DNAH10: variants seen among roughly 807,000 people sequenced by gnomAD.
DNAH10 encodes dynein axonemal heavy chain 10.
In DNAH10, 348 loss-of-function variants were observed where a neutral mutation model predicts 506.6. That is an observed-to-expected ratio of 0.69 (90% CI 0.63 to 0.75). The LOEUF is 0.75. Ranked by LOEUF, DNAH10 falls within the 30% of genes least tolerant of loss-of-function variation. The probability of loss-of-function intolerance (pLI) is 0.00; values close to 1 mark genes in which losing one functional copy is unlikely to be tolerated. For missense variants in DNAH10, 5,179 were observed against 5,787.1 expected (o/e 0.89, Z 3.41); for synonymous variants, 2,059 against 2,198.6 (o/e 0.94, Z 1.78).
chr12:123,840,794 A>G (rs1005954374), intron 29 of DNAH10, among the ~76,000 whole-genome samples: 4 of 152,198 alleles, frequency 2.6e-5, no homozygotes, highest in Non-Finnish European at 4.4e-5. Flanking sequence ...ATAATAGTCA[A>G]CAAATGCCAA....
intron 64 of DNAH10, 32 bp from the exon 65 acceptor site, chr12:123,918,641 TTCC>T: frequency 6.5e-7 from 1 of 1,531,456 alleles, no homozygotes; most frequent in South Asian, 1.3e-5. Flanking sequence ...CATCTCAGTC[TTCC>T]TGTTTCCAGG....
intron 56 of DNAH10, among the ~76,000 whole-genome samples, chr12:123,901,624 G>A (rs780098641): frequency 5.9e-5 from 9 of 152,124 alleles, no homozygotes; most frequent in Non-Finnish European, 8.8e-5. Context: ...ATGATCTGGG[G>A]GCTGAAAACA....
At chr12:123,798,829 G>C (rs1958374268) in intron 13 of DNAH10, among the ~76,000 whole-genome samples, 1 of 148,990 alleles carries the variant, frequency 6.7e-6, no homozygotes, top group African/African-American at 2.5e-5. Flanking sequence ...AAAATGACCA[G>C]GTGCAGTGGC....
At chr12:123,848,614 C>G (rs1289068790) in intron 33 of DNAH10, 116 bp from the exon 34 acceptor site, 5 of 1,399,408 alleles carry the variant, frequency 3.6e-6, no homozygotes, top group Non-Finnish European at 4.8e-6. Flanking sequence ...TCACCTGCTT[C>G]TCTGCCAATC....
Position 123,841,433 on chromosome 12 carries a change from C to T in DNAH10, c.5248C>T (p.Arg1750Trp), listed in dbSNP as rs372793754. ...AGTCATGGAGTTTCGGAAGATCTTG[C>T]GGGCTGAAGGGCGCGTGGAGGACTG... ...GEVMEFRKIL[R>W]AEGRVEDWMT... is the part of the protein sequence containing the mutation. The change falls in exon 30 of 79, where the codon CGG becomes TGG. Residue 1750 changes from arginine to tryptophan, a missense_variant. Arg to Trp is a moderately radical substitution (Grantham distance 101). Transcript: ENST00000673944. 5.0e-6 allele frequency: 8 copies of T among 1,613,800 alleles called. No individual in the cohort carries two copies. Among genetic ancestry groups the T allele is most frequent in the South Asian group, 3.3e-5 (3 of 91,082 alleles).
chr12:123,789,736 C>G (rs1958007313), intron 10 of DNAH10, among the ~76,000 whole-genome samples, 191 bp from the exon 11 acceptor site: 1 of 152,114 alleles, frequency 6.6e-6, no homozygotes, highest in South Asian at 2.1e-4. Flanking sequence ...TGGGGAGGAA[C>G]AGGCAGGTGC....
Position 123,783,090 on chromosome 12 carries a change from C to CGCTTTT in DNAH10, c.842-17_842-16insGCTTTT. 6.2e-7 allele frequency: 1 copy of CGCTTTT among 1,612,194 alleles called. No individual in the cohort carries two copies. Among genetic ancestry groups the CGCTTTT allele is most frequent in the Non-Finnish European group, 8.5e-7 (1 of 1,178,436 alleles). On this transcript the variant is annotated splice_polypyrimidine_tract_variant and intron_variant, in intron 6 of 78. Transcript: ENST00000673944. ...TTTCCTGAACGAATGACTGACTGAT[C>CGCTTTT]ACTTTTATTTTCCTAGGTGAGATCA...
rs199817516 is a variant in DNAH10, at chr12:123,934,666, T to C, written c.13523T>C (p.Ile4508Thr). Residue 4508 changes from isoleucine to threonine, a missense_variant, in exon 78 of 79, where the codon ATA (isoleucine) becomes ACA (threonine). Ile to Thr is a moderately conservative substitution (Grantham distance 89). Transcript: ENST00000673944. ...GLYLEGADWDIEKGCLIKSKP... is the reference protein window; with the variant it reads ...GLYLEGADWDTEKGCLIKSKP... ...TACCTGGAAGGTGCTGACTGGGATA[T>C]AGAAAAAGGATGTCTTATCAAGAGC... 4.8e-5 allele frequency: 78 copies of C among 1,613,744 alleles called. No individual in the cohort carries two copies. In the African/African-American group the frequency reaches 8.3e-4, roughly 17 times the overall value.
intron 5 of DNAH10, among the ~76,000 whole-genome samples, chr12:123,775,912 A>G (rs1203173045): frequency 6.6e-6 from 1 of 152,212 alleles, no homozygotes; most frequent in Non-Finnish European, 1.5e-5. Flanking sequence ...TGGAGGCCTC[A>G]GGAAACTTAA....
intron 74 of DNAH10, 21 bp from the exon 75 acceptor site, chr12:123,931,615 T>TGAAAAGTGTCCTGGTTTTAGGG: frequency 6.2e-7 from 1 of 1,612,228 alleles, no homozygotes; most frequent in South Asian, 1.1e-5. Flanking sequence ...TTGCTTTCTC[T>TGAAAAGTGTCCTGGTTTTAGGG]GAAAAGTGTC....
chr12:123,853,086 G>C lies in DNAH10; in HGVS notation c.6292-120G>C, dbSNP rs1951237783. The C allele has an allele frequency of 9.0e-7, 1 of 1,114,386 alleles. No homozygotes were observed. Among genetic ancestry groups the C allele is most frequent in the African/African-American group, 1.6e-5 (1 of 64,016 alleles). The allele number at this position is 1,114,386 out of a possible 1,614,324, so 69.0% of individuals were successfully genotyped here. On this transcript the variant is annotated intron_variant, in intron 35 of 78. Coordinates refer to ENST00000673944, the MANE Select transcript of DNAH10 (RefSeq NM_001372106.1). The surrounding 1 kb of genome is among the most constrained non-coding windows in gnomAD (Gnocchi z 4.7). The stretch of plus-strand genomic sequence containing the variant: ...AGTTAGAGATGGAATTTGCTTATTT[G>C]TAGAGCAGCTGCACTGGAACACCTG...
intron 23 of DNAH10, among the ~76,000 whole-genome samples, chr12:123,820,173 G>A (rs1028835898): frequency 1.3e-5 from 2 of 152,204 alleles, no homozygotes; most frequent in Admixed American, 6.5e-5. Context: ...ATTGTGAGCA[G>A]GGACGTAGTG....
At chr12:123,821,732 T>C (rs754536336) in intron 24 of DNAH10, among the ~76,000 whole-genome samples, 4 of 152,112 alleles carry the variant, frequency 2.6e-5, no homozygotes, top group Non-Finnish European at 4.4e-5. Flanking sequence ...AAGGGCTTGG[T>C]TAAGGCATGG....
At chr12:123,865,829 TTGA>T in intron 40 of DNAH10, 119 bp from the exon 41 acceptor site, 1 of 971,716 alleles carries the variant, frequency 1.0e-6, no homozygotes, top group South Asian at 2.5e-5. Context: ...GGAAGCTGTG[TTGA>T]TTTTGGTATT....
At chr12:123,811,575 A>G (rs2136342588) in intron 19 of DNAH10, among the ~76,000 whole-genome samples, 1 of 151,882 alleles carries the variant, frequency 6.6e-6, no homozygotes, top group South Asian at 2.1e-4. Context: ...ATCTCAGCTC[A>G]CTGCAAGCTC....
At chr12:123,764,380 G>A (rs889130702) in intron 1 of DNAH10, among the ~76,000 whole-genome samples, 3 of 151,968 alleles carry the variant, frequency 2.0e-5, no homozygotes, top group Middle Eastern at 3.2e-3. Flanking sequence ...ACTGGACCTC[G>A]GATGTAGGCA....
intron 65 of DNAH10, among the ~76,000 whole-genome samples, chr12:123,921,866 A>G (rs1954746303): frequency 6.6e-6 from 1 of 150,814 alleles, no homozygotes; most frequent in Non-Finnish European, 1.5e-5. Context: ...GGCACCTACC[A>G]CCACACTCAG....
chr12:123,825,128 G>T (rs1959832421), intron 24 of DNAH10, among the ~76,000 whole-genome samples: 3 of 152,116 alleles, frequency 2.0e-5, no homozygotes, highest in African/African-American at 7.2e-5. Context: ...CAGGAGGTAG[G>T]ACTGGCCAAC....
chr12:123,835,058 A>G (rs1960990095), intron 27 of DNAH10, among the ~76,000 whole-genome samples: 2 of 152,230 alleles, frequency 1.3e-5, no homozygotes, highest in South Asian at 2.1e-4. Flanking sequence ...TGCTGGGCAC[A>G]TGGTACTTGG....
Sources: gnomAD v4.1 joint callset for allele counts (sites outside exome capture counted in the v4.1 genomes callset) on GRCh38, gnomAD v4.1.1 for gene constraint, Gnocchi (gnomAD v3.1) non-coding constraint, MANE v1.5 for transcripts, NCBI Gene and HGNC (gene_info 2026-07-23, HGNC 2026-07-21) for gene names.